Variants in VWC2L observed in about 807,000 individuals in gnomAD.
VWC2L encodes the protein von Willebrand factor C domain containing 2 like.
A neutral mutation model predicts 21.6 loss-of-function variants in VWC2L; 10 were observed. The ratio of observed to expected loss-of-function variants is 0.46; its 90% CI spans 0.29 to 0.78. The LOEUF (loss-of-function observed/expected upper bound fraction) is 0.78. Among genes scored for constraint, VWC2L ranks in the 30% least tolerant of loss-of-function variants. VWC2L has a pLI of 0.10. For missense variants in VWC2L, 209 were observed against 277.1 expected (o/e 0.75, Z 1.74); for synonymous variants, 96 against 94.3 (o/e 1.02, Z -0.10).
intron 3 of VWC2L, among the ~76,000 whole-genome samples, chr2:214,509,937 AAGTT>A (rs1303724922): frequency 2.6e-5 from 4 of 152,236 alleles, no homozygotes; most frequent in Admixed American, 6.5e-5. Context: ...ATTAAAATGA[AAGTT>A]AGATGTTTTT....
At chr2:214,428,237 A>G (rs1057109080) in intron 2 of VWC2L, among the ~76,000 whole-genome samples, 8 of 152,204 alleles carry the variant, frequency 5.3e-5, no homozygotes, top group Non-Finnish European at 2.9e-5. Context: ...ATCCAATGAG[A>G]AAATTAGAGC....
At chr2:214,574,721 C>G (rs1002767471) in intron 3 of VWC2L, among the ~76,000 whole-genome samples, 2 of 152,092 alleles carry the variant, frequency 1.3e-5, no homozygotes, top group African/African-American at 4.8e-5. Context: ...ACAATTTGTA[C>G]CATCCTACTA....
intron 2 of VWC2L, among the ~76,000 whole-genome samples, chr2:214,425,868 A>G (rs1702517013): frequency 3.9e-5 from 6 of 152,022 alleles, no homozygotes; most frequent in South Asian, 2.1e-4. Context: ...TGCTCTAGGA[A>G]CTCAGATGAA....
intron 3 of VWC2L, among the ~76,000 whole-genome samples, chr2:214,567,547 TA>T: frequency 8.3e-6 from 1 of 119,956 alleles, no homozygotes; most frequent in African/African-American, 3.4e-5. Flanking sequence ...TTCATCCACA[TA>T]CACACACACA....
At chr2:214,531,195 A>C (rs1296669544) in intron 3 of VWC2L, among the ~76,000 whole-genome samples, 2 of 152,196 alleles carry the variant, frequency 1.3e-5, no homozygotes, top group Non-Finnish European at 2.9e-5. Context: ...GAATCACAGG[A>C]AACAGGAAAA....
At position 214,502,004 on chromosome 2, in the gene VWC2L, C is replaced by A. The variant is rs1278516115; in HGVS notation, c.520+65246C>A. 3.3e-5 allele frequency among the ~76,000 whole-genome samples: 5 copies of A among 152,338 alleles called. No individual in the cohort carries two copies. In the East Asian group the frequency reaches 9.7e-4, roughly 29 times the overall value. On this transcript the variant is annotated intron_variant, in intron 3 of 3. Transcript: ENST00000312504. ...CAGCAAGATGAGCGGAACTCCCCAG[C>A]AAAGTCATCCCAGATGGCATGATTA...
intron 2 of VWC2L, among the ~76,000 whole-genome samples, chr2:214,418,750 A>G (rs1423750611): frequency 6.6e-6 from 1 of 152,178 alleles, no homozygotes; most frequent in Non-Finnish European, 1.5e-5. Flanking sequence ...GTTTCTGTTT[A>G]TGTGTTGATC....
intron 3 of VWC2L, among the ~76,000 whole-genome samples, chr2:214,483,073 C>T (rs1688628918): frequency 6.6e-6 from 1 of 152,130 alleles, no homozygotes. Flanking sequence ...ATATCCCTAT[C>T]ATATGAATGA....
chr2:214,413,501 C>A lies in VWC2L; in HGVS notation c.-80-613C>A, dbSNP rs189908758. The stretch of plus-strand genomic sequence containing the variant: ...ATAGTTATGTTGTTTTTGTTATCAA[C>A]TTTATTTCAAAAATCCAGACTCACA... On this transcript the variant is annotated intron_variant, in intron 1 of 3. Transcript: ENST00000312504. Among the ~76,000 whole-genome samples the A allele has an allele frequency of 8.1e-3, 1,238 of 152,180 alleles. 6 individuals carry two copies. Among genetic ancestry groups the A allele is most frequent in the Non-Finnish European group, 0.012 (838 of 67,962 alleles).
Position 214,576,816 on chromosome 2 carries a change from C to G in VWC2L, c.*996C>G, listed in dbSNP as rs1014898938. 6.6e-6 allele frequency: 1 copy of G among 152,150 alleles called. No individual in the cohort carries two copies. The highest frequency in any genetic ancestry group is 6.5e-5 in the Admixed American group (1 of 15,274). 9.4% of individuals were successfully genotyped at this position (152,150 alleles called of 1,614,324 possible). A position where few individuals can be genotyped will look rare whatever the true frequency, so the allele number is the denominator to read the frequency against. ...CACTGGCAGTTTTTGTGGTTCGGGA[C>G]TGTGTTTGCCATGTTGTAGTAACAA... On this transcript the variant is annotated 3_prime_UTR_variant, in exon 4 of 4. Transcript: ENST00000312504.
chr2:214,520,380 T>G (rs10048756), intron 3 of VWC2L, among the ~76,000 whole-genome samples: 81,351 of 151,884 alleles, frequency 0.54, 22,126 homozygotes, highest in East Asian at 0.74. Flanking sequence ...CATTTTTTTT[T>G]AATGTAGCAT....
At position 214,411,705 on chromosome 2, in the gene VWC2L, T is replaced by G. The variant is rs1051615332; in HGVS notation, c.-162T>G. 9 of 152,238 alleles carry G rather than the reference T, an allele frequency of 5.9e-5. No individual in the cohort carries two copies. Among genetic ancestry groups the G allele is most frequent in the African/African-American group, 2.2e-4 (9 of 41,458 alleles). 9.4% of individuals were successfully genotyped at this position (152,238 alleles called of 1,614,324 possible). On this transcript the variant is annotated 5_prime_UTR_variant, in exon 1 of 4. Transcript: ENST00000312504. ...ATTCTTTGGGTAATTAAAGAGGAAC[T>G]GCTTTCTTAAAACATACCTGACCTT...
intron 2 of VWC2L, among the ~76,000 whole-genome samples, chr2:214,417,385 A>T (rs950678903): frequency 5.3e-5 from 8 of 152,330 alleles, no homozygotes; most frequent in African/African-American, 1.9e-4. Context: ...ATGATTATGA[A>T]ATCCCAATAT....
chr2:214,452,020 G>T (rs986292868), intron 3 of VWC2L, among the ~76,000 whole-genome samples: 4 of 152,084 alleles, frequency 2.6e-5, no homozygotes, highest in African/African-American at 9.7e-5. Flanking sequence ...CTTCCCTCCA[G>T]TCCTTCTCTG....
At chr2:214,468,452 C>T (rs1028779051) in intron 3 of VWC2L, among the ~76,000 whole-genome samples, 1 of 152,132 alleles carries the variant, frequency 6.6e-6, no homozygotes, top group Non-Finnish European at 1.5e-5. Context: ...AGACATTGTG[C>T]TTTCCATAGC....
intron 3 of VWC2L, among the ~76,000 whole-genome samples, chr2:214,513,601 C>T (rs750171284): frequency 2.0e-5 from 3 of 152,030 alleles, no homozygotes; most frequent in African/African-American, 7.3e-5. Context: ...GTGGCCATAT[C>T]TGTTATTCAT....
chr2:214,460,716 C>T (rs1216403529), intron 3 of VWC2L, among the ~76,000 whole-genome samples: 3 of 152,082 alleles, frequency 2.0e-5, no homozygotes, highest in South Asian at 2.1e-4. Context: ...TCTTGCATCT[C>T]GCTGAACTTA....
chr2:214,532,015 G>A (rs1430639894), intron 3 of VWC2L, among the ~76,000 whole-genome samples: 4 of 152,072 alleles, frequency 2.6e-5, no homozygotes, highest in Non-Finnish European at 1.5e-5. Flanking sequence ...AGAAAAAGAA[G>A]TCTACTTCTC....
chr2:214,419,413 C>T (rs1292248659), intron 2 of VWC2L, among the ~76,000 whole-genome samples: 1 of 152,096 alleles, frequency 6.6e-6, no homozygotes, highest in Non-Finnish European at 1.5e-5. Context: ...TCTTATTTTG[C>T]TCAGTATTTT....
Sources: gnomAD v4.1 joint callset for allele counts (sites outside exome capture counted in the v4.1 genomes callset) on GRCh38, gnomAD v4.1.1 for gene constraint, MANE v1.5 for transcripts, NCBI Gene and HGNC (gene_info 2026-07-23, HGNC 2026-07-21) for gene names.